Variants in ADGRL4 observed in about 807,000 individuals in gnomAD.
The protein encoded by ADGRL4 is adhesion G protein-coupled receptor L4.
A neutral mutation model predicts 74.8 loss-of-function variants in ADGRL4; 90 were observed. That is an observed-to-expected ratio of 1.20 (90% CI 1.02 to 1.43). The LOEUF is 1.43. Among genes scored for constraint, ADGRL4 ranks in the 40% most tolerant of loss-of-function variants. The pLI, the probability that ADGRL4 is intolerant of heterozygous loss-of-function variation, is 0.00. For synonymous variants in ADGRL4, 311 were observed against 279.2 expected (o/e 1.11, Z -1.14); for missense variants, 881 against 814.3 (o/e 1.08, Z -1.00).
chr1:78,946,399 T>C lies in ADGRL4; in HGVS notation c.200A>G (p.Gln67Arg), dbSNP rs1331345785. 2 of 1,611,382 alleles carry C rather than the reference T, an allele frequency of 1.2e-6. No individual in the cohort carries two copies. The highest frequency in any genetic ancestry group is 2.2e-5 in the East Asian group (1 of 44,710). The change falls in exon 3 of 15, where the codon CAG (glutamine) becomes CGG (arginine). Residue 67 changes from glutamine (Q) to arginine (R), a missense_variant. Gln to Arg is a conservative substitution (Grantham distance 43, BLOSUM62 1). Transcript: ENST00000370742. ...EDDNECGNLT[Q>R]SCGENANCTN... ...GCAATTAGCATTTTCGCCACAGGAC[T>C]GAGTTAAATTTCCACATTCATTATC... is the stretch of plus-strand genomic sequence containing the variant.
chr1:78,914,602 TTGG>T (rs1422879192), intron 12 of ADGRL4, among the ~76,000 whole-genome samples: 1 of 151,216 alleles, frequency 6.6e-6, no homozygotes. Flanking sequence ...GAATCTCTAG[TTGG>T]TGAAGTAGAG....
intron 2 of ADGRL4, among the ~76,000 whole-genome samples, chr1:78,955,499 C>T (rs1219604979): frequency 6.6e-6 from 1 of 151,854 alleles, no homozygotes; most frequent in Non-Finnish European, 1.5e-5. Flanking sequence ...CAATTATAAA[C>T]CATTTATACT....
chr1:78,937,299 G>T (rs2035728), intron 6 of ADGRL4, among the ~76,000 whole-genome samples: 1 of 152,146 alleles, frequency 6.6e-6, no homozygotes, highest in East Asian at 1.9e-4. Flanking sequence ...ACAAAAATTA[G>T]CCAGGTGTGC....
At chr1:78,951,441 G>T (rs559927014) in intron 2 of ADGRL4, among the ~76,000 whole-genome samples, 42 of 152,214 alleles carry the variant, frequency 2.8e-4, no homozygotes, top group Non-Finnish European at 4.9e-4. Flanking sequence ...TACACAGGGG[G>T]TTAAAATAAT....
At chr1:78,922,257 C>T (rs947530377) in intron 8 of ADGRL4, among the ~76,000 whole-genome samples, 4 of 151,956 alleles carry the variant, frequency 2.6e-5, no homozygotes, top group African/African-American at 9.7e-5. Flanking sequence ...GTCCAAGGGA[C>T]GTCTCCTAGA....
At chr1:78,949,756 C>A (rs186360978) in intron 2 of ADGRL4, among the ~76,000 whole-genome samples, 93 of 152,170 alleles carry the variant, frequency 6.1e-4, no homozygotes, top group African/African-American at 2.1e-3. Flanking sequence ...ACTACCTAAT[C>A]CCTGTAACTA....
intron 8 of ADGRL4, among the ~76,000 whole-genome samples, chr1:78,925,848 C>T (rs989637914): frequency 3.3e-5 from 5 of 151,852 alleles, no homozygotes; most frequent in African/African-American, 9.7e-5. Context: ...TGATGAAAAA[C>T]GGAAAAAACA....
intron 3 of ADGRL4, among the ~76,000 whole-genome samples, chr1:78,942,995 T>C (rs1649519321): frequency 6.6e-6 from 1 of 152,112 alleles, no homozygotes; most frequent in Non-Finnish European, 1.5e-5. Context: ...AATTAGCCAA[T>C]CCAGCAATAT....
rs757383656 is a variant in ADGRL4, at chr1:78,921,623, C to T, written c.1247G>A (p.Gly416Asp). The T allele has an allele frequency of 1.9e-6, 3 of 1,541,594 alleles. No individual in the cohort carries two copies. The highest frequency in any genetic ancestry group is 2.6e-6 in the Non-Finnish European group (3 of 1,145,026). The change falls in exon 9 of 15, where the codon GGT becomes GAT. Residue 416 changes from glycine (G) to aspartate (D), a missense_variant. Coordinates refer to ENST00000370742, the MANE Select transcript of ADGRL4 (RefSeq NM_022159.4). Reference protein sequence around the residue: ...LTHFAILMSSGPSIGIKDYNI... With the variant: ...LTHFAILMSSDPSIGIKDYNI... ...GGAAAATTATCTTACAATGGAAGGACCAGAGGACATCAAAATTGCAAAATG... is the reference window on the plus strand; with the variant it reads ...GGAAAATTATCTTACAATGGAAGGATCAGAGGACATCAAAATTGCAAAATG...
chr1:78,958,581 C>A (rs1649879955), intron 2 of ADGRL4, among the ~76,000 whole-genome samples: 1 of 152,136 alleles, frequency 6.6e-6, no homozygotes, highest in Non-Finnish European at 1.5e-5. Context: ...TGAATTGCTG[C>A]AATCTCATGA....
In ADGRL4 at chr1:78,921,671, G is replaced by A. The variant is rs1213180126; in HGVS notation, c.1199C>T (p.Ser400Leu). Residue 400 changes from serine (S) to leucine (L), a missense_variant, in exon 9 of 15, where the codon TCA becomes TTA. Coordinates refer to ENST00000370742, the MANE Select transcript of ADGRL4 (RefSeq NM_022159.4). Reference sequence around the variant, plus strand: ...ATGTGTCAGGTGATTACAGCGGCATGAGGTGTGGGTCTCATTTGAGTATGT... The same window carrying A: ...ATGTGTCAGGTGATTACAGCGGCATAAGGTGTGGGTCTCATTTGAGTATGT... ...ELTYSNETHT[S>L]CRCNHLTHFA... 6.3e-7 allele frequency: 1 copy of A among 1,599,180 alleles called. No homozygotes were observed. Among genetic ancestry groups the A allele is most frequent in the Non-Finnish European group, 8.5e-7 (1 of 1,172,844 alleles).
At chr1:78,981,869 T>G (rs1650403207) in intron 2 of ADGRL4, among the ~76,000 whole-genome samples, 1 of 151,816 alleles carries the variant, frequency 6.6e-6, no homozygotes, top group South Asian at 2.1e-4. Flanking sequence ...GTCCTTGACA[T>G]AATTACAGCA....
intron 8 of ADGRL4, among the ~76,000 whole-genome samples, chr1:78,923,538 C>T (rs1649044447): frequency 6.6e-6 from 1 of 151,878 alleles, no homozygotes; most frequent in Non-Finnish European, 1.5e-5. Flanking sequence ...AACCCCCAGA[C>T]ATCTGAGGAC....
At chr1:78,900,988 A>G (rs1648503856) in intron 12 of ADGRL4, among the ~76,000 whole-genome samples, 1 of 152,028 alleles carries the variant, frequency 6.6e-6, no homozygotes, top group Admixed American at 6.6e-5. Flanking sequence ...TTTAAAATCC[A>G]GTTTAAAATA....
At chr1:78,997,497 A>C (rs1409169360) in intron 2 of ADGRL4, among the ~76,000 whole-genome samples, 1 of 152,040 alleles carries the variant, frequency 6.6e-6, no homozygotes, top group Non-Finnish European at 1.5e-5. Flanking sequence ...GAGCCATGCA[A>C]AATTTTGAGG....
At chr1:78,928,176 A>G (rs1649158342) in intron 7 of ADGRL4, among the ~76,000 whole-genome samples, 1 of 151,626 alleles carries the variant, frequency 6.6e-6, no homozygotes, top group African/African-American at 2.4e-5. Context: ...AATCAAAAAT[A>G]TAAGAAGGAT....
intron 7 of ADGRL4, among the ~76,000 whole-genome samples, chr1:78,932,439 T>C (rs1649261039): frequency 6.6e-6 from 1 of 151,040 alleles, no homozygotes; most frequent in Non-Finnish European, 1.5e-5. Flanking sequence ...AAGAGGGAAA[T>C]TTATAGCACT....
At chr1:78,915,051 TCATTGTA>T (rs2100666131) in intron 12 of ADGRL4, among the ~76,000 whole-genome samples, 1 of 152,054 alleles carries the variant, frequency 6.6e-6, no homozygotes, top group South Asian at 2.1e-4. Flanking sequence ...CCCATTCTCT[TCATTGTA>T]CATATCTTCA....
intron 10 of ADGRL4, 32 bp downstream of exon 10, chr1:78,920,151 G>C (rs1648964974): frequency 6.5e-7 from 1 of 1,530,278 alleles, no homozygotes; most frequent in South Asian, 1.2e-5. Flanking sequence ...ACATATCATA[G>C]GACAAAAATA....
Sources: allele counts gnomAD v4.1 joint callset (sites outside exome capture counted in the v4.1 genomes callset), GRCh38; gene constraint gnomAD v4.1.1; transcripts MANE v1.5; gene names NCBI Gene and HGNC (gene_info 2026-07-23, HGNC 2026-07-21).